EMC3: variants seen among roughly 807,000 people sequenced by gnomAD.
The protein encoded by EMC3 is ER membrane protein complex subunit 3, also known as 30 kDa protein.
EMC3 carries 13 observed loss-of-function variants against 36.6 expected under a neutral mutation model. That is an observed-to-expected ratio of 0.35 (90% CI 0.23 to 0.56). EMC3 has a LOEUF of 0.56. Among genes scored for constraint, EMC3 ranks in the 20% least tolerant of loss-of-function variants. The pLI is 0.84. For synonymous variants in EMC3, 120 were observed against 111.9 expected, an observed-to-expected ratio of 1.07 and a Z score of -0.46; for missense variants, 220 against 324.5, an observed-to-expected ratio of 0.68 and a Z score of 2.47.
At chr3:9,983,672 A>G (rs909634509) in intron 1 of EMC3, among the ~76,000 whole-genome samples, 11 of 102,164 alleles carry the variant, frequency 1.1e-4, no homozygotes, top group Non-Finnish European at 2.2e-4. Flanking sequence ...TCTGGTCTCC[A>G]AAAAAAAAAA....
intron 1 of EMC3, among the ~76,000 whole-genome samples, chr3:10,001,293 G>A (rs891085034): frequency 2.6e-5 from 4 of 152,046 alleles, no homozygotes; most frequent in African/African-American, 9.7e-5. Flanking sequence ...CGGGCATGGT[G>A]GCTCACGCCT....
At chr3:9,989,861 G>C (rs975233591), upstream of EMC3, among the ~76,000 whole-genome samples, 1 of 151,310 alleles carries the variant, frequency 6.6e-6, no homozygotes, top group Non-Finnish European at 1.5e-5. Context: ...CTGTATTCTG[G>C]TCTAATGACT....
At chr3:9,993,947 T>C (rs1306062105) in intron 1 of EMC3, among the ~76,000 whole-genome samples, 1 of 152,306 alleles carries the variant, frequency 6.6e-6, no homozygotes. Flanking sequence ...ATTAGGCTTA[T>C]AACTTAACTT....
At chr3:10,007,011 A>G in intron 1 of EMC3, 1 of 283,438 alleles carries the variant, frequency 3.5e-6, no homozygotes, top group South Asian at 3.1e-5. Context: ...CAAATCTTGT[A>G]GTAACATTAG....
In EMC3 at chr3:9,963,015, G is replaced by T. The variant is rs893751601; in HGVS notation, c.*1054C>A. 3 of 152,166 alleles carry T rather than the reference G, an allele frequency of 2.0e-5. No homozygotes were observed. The highest frequency in any genetic ancestry group is 2.1e-4 in the South Asian group (1 of 4,828). 9.4% of individuals were successfully genotyped at this position (152,166 alleles called of 1,614,324 possible). Reference sequence around the variant, plus strand: ...TTTGATACACTGACATCCAGATCAAGATTTTGCATTATTTATAGACAGTCT... The same window carrying T: ...TTTGATACACTGACATCCAGATCAATATTTTGCATTATTTATAGACAGTCT... On this transcript the variant is annotated 3_prime_UTR_variant, in exon 8 of 8. Transcript: ENST00000245046.
At chr3:9,992,147 GTC>G (rs1575692654) in intron 1 of EMC3, among the ~76,000 whole-genome samples, 1 of 152,046 alleles carries the variant, frequency 6.6e-6, no homozygotes, top group East Asian at 1.9e-4. Flanking sequence ...TTTAGACAGA[GTC>G]TCGCTGTGTC....
intron 7 of EMC3, among the ~76,000 whole-genome samples, chr3:9,965,122 G>C (rs1392182302): frequency 6.9e-6 from 1 of 145,952 alleles, no homozygotes; most frequent in Non-Finnish European, 1.5e-5. Context: ...AAAAAAAAAA[G>C]CTTGCGAGAT....
chr3:9,965,161 C>T (rs2085724393), intron 7 of EMC3, among the ~76,000 whole-genome samples: 1 of 150,704 alleles, frequency 6.6e-6, no homozygotes, highest in Admixed American at 6.6e-5. Context: ...AATCCTAGCA[C>T]TTTGGGAGGC....
At chr3:10,008,612 A>G (rs2086289808) in intron 1 of EMC3, 1 of 436,692 alleles carries the variant, frequency 2.3e-6, no homozygotes, top group East Asian at 6.5e-5. Flanking sequence ...AGGTGAGGAA[A>G]CTGAGGCTGA....
At chr3:10,004,282 A>G (rs2086239734) in intron 1 of EMC3, 1 of 152,266 alleles carries the variant, frequency 6.6e-6, no homozygotes. Flanking sequence ...GTGGGTGAAC[A>G]GTGGTCAGGA....
At chr3:9,985,846 A>G (rs1212743322) in intron 1 of EMC3, among the ~76,000 whole-genome samples, 1 of 152,204 alleles carries the variant, frequency 6.6e-6, no homozygotes, top group African/African-American at 2.4e-5. Context: ...GTGAGCTGAG[A>G]TGACGCCACC....
At chr3:9,994,147 T>C in intron 1 of EMC3, 2 of 1,582,542 alleles carry the variant, frequency 1.3e-6, no homozygotes, top group South Asian at 1.1e-5. Flanking sequence ...GTGTACTGTT[T>C]CCTACAGCTT....
chr3:9,976,232 G>A (rs1985156), intron 3 of EMC3, among the ~76,000 whole-genome samples: 34,219 of 151,726 alleles, frequency 0.23, 4,480 homozygotes, highest in African/African-American at 0.36. Context: ...CAGCCTCCGG[G>A]GTAGCTGGGA....
chr3:9,983,349 T>C (rs1201717089), intron 1 of EMC3, among the ~76,000 whole-genome samples: 2 of 152,128 alleles, frequency 1.3e-5, no homozygotes, highest in Non-Finnish European at 2.9e-5. Context: ...GGTTTCACCA[T>C]GTTGGCCAGG....
chr3:10,006,374 G>A (rs1398981819), intron 1 of EMC3: 4 of 152,270 alleles, frequency 2.6e-5, no homozygotes, highest in African/African-American at 9.6e-5. Flanking sequence ...TTGCATGGCT[G>A]AAGACAAAAA....
upstream of EMC3, among the ~76,000 whole-genome samples, chr3:9,987,630 G>C (rs2085993684): frequency 6.6e-6 from 1 of 152,166 alleles, no homozygotes; most frequent in African/African-American, 2.4e-5. Context: ...ATTGAGAAGA[G>C]GAAATGGAGC....
intron 1 of EMC3, among the ~76,000 whole-genome samples, chr3:9,997,780 C>T (rs1053569438): frequency 1.3e-5 from 2 of 152,148 alleles, no homozygotes; most frequent in African/African-American, 2.4e-5. Flanking sequence ...GTTTATACCA[C>T]ATTTTTTTTA....
At chr3:9,978,928 G>A (rs1056558471) in intron 1 of EMC3, among the ~76,000 whole-genome samples, 3 of 152,114 alleles carry the variant, frequency 2.0e-5, no homozygotes, top group Admixed American at 6.6e-5. Flanking sequence ...TCAGTACCCC[G>A]GGGTTTCCCC....
chr3:10,009,708 A>G (rs539551506), intron 1 of EMC3, among the ~76,000 whole-genome samples: 51 of 152,302 alleles, frequency 3.3e-4, no homozygotes, highest in Admixed American at 3.1e-3. Context: ...TCCTGCCCTC[A>G]GAGGCTCCCT....
Sources: gnomAD v4.1 joint callset for allele counts (sites outside exome capture counted in the v4.1 genomes callset) on GRCh38, gnomAD v4.1.1 for gene constraint, MANE v1.5 for transcripts, NCBI Gene and HGNC (gene_info 2026-07-23, HGNC 2026-07-21) for gene names.